Variants in ADCY3 observed in about 807,000 individuals in gnomAD.
ADCY3 encodes the protein adenylate cyclase type 3.
Under a neutral mutation model 119.4 loss-of-function variants are expected in ADCY3, and 70 were observed. The ratio of observed to expected loss-of-function variants is 0.59; its 90% CI spans 0.48 to 0.72. The LOEUF (loss-of-function observed/expected upper bound fraction) is 0.72, where lower values mean the gene tolerates loss of function less well. Among genes scored for constraint, ADCY3 ranks in the 30% least tolerant of loss-of-function variants. The pLI, the probability that ADCY3 is intolerant of heterozygous loss-of-function variation, is 0.00. For synonymous variants in ADCY3, 672 were observed against 621.4 expected (o/e 1.08, Z -1.21); for missense variants, 1,238 against 1,541.6 (o/e 0.80, Z 3.30).
At chr2:24,880,322 G>A (rs1158027657) in intron 2 of ADCY3, among the ~76,000 whole-genome samples, 2 of 152,334 alleles carry the variant, frequency 1.3e-5, no homozygotes, top group East Asian at 3.9e-4. Context: ...GATCTGTCGT[G>A]ATGGCTTCCC....
chr2:24,884,471 C>CTTTTTT (rs1201387570), intron 2 of ADCY3, among the ~76,000 whole-genome samples: 81 of 97,856 alleles, frequency 8.3e-4, no homozygotes, highest in African/African-American at 2.4e-3. Context: ...TTCTAATAAT[C>CTTTTTT]TTTTTTTTTT....
At chr2:24,835,579 A>G (rs1670190222) in intron 9 of ADCY3, among the ~76,000 whole-genome samples, 1 of 152,170 alleles carries the variant, frequency 6.6e-6, no homozygotes, top group African/African-American at 2.4e-5. Flanking sequence ...CAGTCTGAAT[A>G]GTCACTGAGA....
chr2:24,830,802 G>T lies in ADCY3; in HGVS notation c.2079C>A (p.Ala693=), dbSNP rs763137888. 3.1e-6 allele frequency: 5 copies of T among 1,614,012 alleles called. No individual in the cohort carries two copies. Among genetic ancestry groups the T allele is most frequent in the Non-Finnish European group, 3.4e-6 (4 of 1,179,980 alleles). Residue 693 remains alanine, a synonymous_variant, in exon 13 of 22, where the codon GCC becomes GCA. Transcript: ENST00000679454. ...GGGTCCGGTCAATCCAAGTTGAGAA[G>T]GCCACAAGCTTCTTAGGAAAGGCCT... ...FPRAFPKKLV[A]FSTWIDRTRW...
intron 21 of ADCY3, chr2:24,820,334 A>T (rs1425974589): frequency 7.5e-7 from 1 of 1,330,500 alleles, no homozygotes; most frequent in Non-Finnish European, 9.6e-7. Context: ...TCTCATCCAG[A>T]GACTTCTCTC....
rs2289088 is a variant in ADCY3, at chr2:24,822,995, T to C, written c.2883+214A>G. 1.7e-3 allele frequency among the ~76,000 whole-genome samples: 258 copies of C among 152,308 alleles called. 9 individuals are homozygous for C. In the East Asian group the frequency reaches 0.047, roughly 28 times the overall value. The stretch of plus-strand genomic sequence containing the variant: ...ATGTTGCTTGGCCAGTCCTTATCCT[T>C]ATCCTGTGACCCTGTGGGTGATTTC... On this transcript the variant is annotated intron_variant, in intron 18 of 21. Coordinates refer to ENST00000679454, the MANE Select transcript of ADCY3 (RefSeq NM_004036.5).
At position 24,841,321 on chromosome 2, in the gene ADCY3, G is replaced by T. The variant is rs771851785; in HGVS notation, c.1134C>A (p.Asp378Glu). 3.8e-6 allele frequency: 6 copies of T among 1,590,560 alleles called. No individual in the cohort carries two copies. The African/African-American group carries it at 6.7e-5, about 18-fold the overall frequency. ...DCYYCICGLP[D>E]YREDHAVCSI... Reference sequence around the variant, plus strand: ...AGCAGACGGCGTGGTCCTCCCGGTAGTCGGGCAAGCCGCAGATGCAGTAGT... The same window carrying T: ...AGCAGACGGCGTGGTCCTCCCGGTATTCGGGCAAGCCGCAGATGCAGTAGT... Residue 378 changes from aspartate (D) to glutamate (E), a missense_variant, in exon 6 of 22, where the codon GAC becomes GAA. By Grantham distance (45) the Asp-to-Glu change is conservative. Around this residue, in one of 7 missense-constraint regions of ADCY3, gnomAD observed 283 missense variants for 437.2 expected, o/e 0.65. Transcript: ENST00000679454. The surrounding 1 kb of genome is among the most constrained non-coding windows in gnomAD (Gnocchi z 5.8).
At chr2:24,848,766 C>G (rs934912785) in intron 3 of ADCY3, among the ~76,000 whole-genome samples, 2 of 152,146 alleles carry the variant, frequency 1.3e-5, no homozygotes, top group East Asian at 1.9e-4. Context: ...GCAGGTGGCT[C>G]AAAAAGACAG....
intron 3 of ADCY3, among the ~76,000 whole-genome samples, chr2:24,859,049 G>A (rs551282162): frequency 6.6e-6 from 1 of 152,340 alleles, no homozygotes; most frequent in African/African-American, 2.4e-5. Context: ...CGCATTATGG[G>A]GAACGCACCT....
chr2:24,836,773 A>G (rs930471777), intron 9 of ADCY3, 144 bp downstream of exon 9: 9 of 1,262,354 alleles, frequency 7.1e-6, no homozygotes, highest in Admixed American at 3.0e-5. Flanking sequence ...TGACCTGTCC[A>G]TGGTTACAGT....
In ADCY3 at chr2:24,841,062, T is replaced by C. The variant is rs1648635082; in HGVS notation, c.1196+197A>G. On this transcript the variant is annotated intron_variant, in intron 6 of 21. Coordinates refer to ENST00000679454, the MANE Select transcript of ADCY3 (RefSeq NM_004036.5). This position sits in a 1 kb window ranked among gnomAD's most constrained non-coding sequence, Gnocchi z 5.8. ...GGGGAGCCTCGCAGGTCCCCTGGGC[T>C]GTGAGGAAGGTAAGCCACATCCCAG... is the stretch of plus-strand genomic sequence containing the variant. 6.6e-6 allele frequency among the ~76,000 whole-genome samples: 1 copy of C among 152,224 alleles called. No individual in the cohort carries two copies. The highest frequency in any genetic ancestry group is 1.5e-5 in the Non-Finnish European group (1 of 68,026).
Position 24,819,443 on chromosome 2 carries a change from T to TCAAGATGATCA in ADCY3, c.*478_*488dup, listed in dbSNP as rs1667193625. ...GGGACAGGAGTTCCAGAAGAACCTT[T>TCAAGATGATCA]CAAGATGATCAGGAACACCAGGACG... On this transcript the variant is annotated 3_prime_UTR_variant, in exon 22 of 22. Coordinates refer to ENST00000679454, the MANE Select transcript of ADCY3 (RefSeq NM_004036.5). 1 of 153,332 alleles carries TCAAGATGATCA rather than the reference T, an allele frequency of 6.5e-6. No individual in the cohort carries two copies. Among genetic ancestry groups the TCAAGATGATCA allele is most frequent in the South Asian group, 2.1e-4 (1 of 4,828 alleles). 9.5% of individuals were successfully genotyped at this position (153,332 alleles called of 1,614,324 possible). A position where few individuals can be genotyped will look rare whatever the true frequency, so the allele number is the denominator to read the frequency against.
intron 6 of ADCY3, chr2:24,840,485 C>T: frequency 2.3e-6 from 1 of 438,696 alleles, no homozygotes; most frequent in South Asian, 1.7e-5. Flanking sequence ...GTAAAGGCCA[C>T]ACTGCTTTCT....
intron 3 of ADCY3, among the ~76,000 whole-genome samples, chr2:24,869,015 C>A (rs1186583159): frequency 2.0e-5 from 3 of 152,154 alleles, no homozygotes; most frequent in African/African-American, 7.2e-5. Context: ...CAGAGCCAGA[C>A]TCCGTCTCAA....
chr2:24,917,686 T>C, intron 2 of ADCY3, among the ~76,000 whole-genome samples: 1 of 152,052 alleles, frequency 6.6e-6, no homozygotes. Context: ...CCCATTTGCA[T>C]CCCCACACCA....
intron 2 of ADCY3, among the ~76,000 whole-genome samples, chr2:24,874,683 C>G (rs1383926858): frequency 6.6e-6 from 1 of 152,278 alleles, no homozygotes; most frequent in East Asian, 1.9e-4. Flanking sequence ...CTGGAGGGAG[C>G]TTTGAGGGGA....
At chr2:24,840,139 G>A in intron 6 of ADCY3, 108 bp from the exon 7 acceptor site, 1 of 1,442,760 alleles carries the variant, frequency 6.9e-7, no homozygotes, top group Non-Finnish European at 9.4e-7. Context: ...CCCTCCACAA[G>A]AGGGGGCCTG....
In ADCY3 at chr2:24,828,030, C is replaced by T. The variant is rs1304087946; in HGVS notation, c.2304G>A (p.Leu768=). The change falls in exon 14 of 22, where the codon CTG becomes CTA. Residue 768 remains leucine, a synonymous_variant. Coordinates refer to ENST00000679454, the MANE Select transcript of ADCY3 (RefSeq NM_004036.5). ...GCTTCACCATGTGGCTGACCTGCACCAGCATGATGGTGGCGATGAGGGACA... is the reference window on the plus strand; with the variant it reads ...GCTTCACCATGTGGCTGACCTGCACTAGCATGATGGTGGCGATGAGGGACA... The part of the protein sequence containing the change: ...AVLSLIATIM[L]VQVSHMVKLT... 2 of 1,614,242 alleles carry T rather than the reference C, an allele frequency of 1.2e-6. No homozygotes were observed. Among genetic ancestry groups the T allele is most frequent in the East Asian group, 2.2e-5 (1 of 44,874 alleles).
At chr2:24,849,726 A>G (rs1672069630) in intron 3 of ADCY3, among the ~76,000 whole-genome samples, 2 of 152,152 alleles carry the variant, frequency 1.3e-5, no homozygotes, top group African/African-American at 4.8e-5. Flanking sequence ...AGAAGAAAGG[A>G]CACACGGAAC....
In ADCY3 at chr2:24,899,765, C is replaced by T. The variant is rs1438655879; in HGVS notation, c.675+18548G>A. 1.3e-5 allele frequency among the ~76,000 whole-genome samples: 2 copies of T among 152,156 alleles called. No homozygotes were observed. On this transcript the variant is annotated intron_variant, in intron 2 of 21. Coordinates refer to ENST00000679454, the MANE Select transcript of ADCY3 (RefSeq NM_004036.5). This position sits in a 1 kb window ranked among gnomAD's most constrained non-coding sequence, Gnocchi z 4.5. Reference sequence around the variant, plus strand: ...AAAGAATGTATCTGTCCTAAATGTGCATAGAGTCACATAAATATGCAATTC... The same window carrying T: ...AAAGAATGTATCTGTCCTAAATGTGTATAGAGTCACATAAATATGCAATTC...
Sources: allele counts gnomAD v4.1 joint callset (sites outside exome capture counted in the v4.1 genomes callset), GRCh38; gene constraint gnomAD v4.1.1; regional missense constraint gnomAD v4.1.1; non-coding constraint Gnocchi (gnomAD v3.1); transcripts MANE v1.5; gene names NCBI Gene and HGNC (gene_info 2026-07-23, HGNC 2026-07-21).